The following RHBDL1 variants were observed in gnomAD, a reference collection of about 807,000 sequenced individuals.
The protein encoded by RHBDL1 is rhomboid like 1.
RHBDL1 carries 21 observed loss-of-function variants against 34.0 expected under a neutral mutation model. The ratio of observed to expected loss-of-function variants is 0.62; its 90% CI spans 0.44 to 0.89. RHBDL1 has a LOEUF of 0.89. RHBDL1 is among the 40% of genes least tolerant of loss of function. The probability of loss-of-function intolerance (pLI) is 0.00; values close to 1 mark genes in which losing one functional copy is unlikely to be tolerated. For synonymous variants in RHBDL1, 268 were observed against 234.8 expected (o/e 1.14, Z -1.29); for missense variants, 450 against 530.6 (o/e 0.85, Z 1.49).
intron 4 of RHBDL1, 77 bp from the exon 5 acceptor site, chr16:677,199 C>T: frequency 6.4e-7 from 1 of 1,571,522 alleles, no homozygotes; most frequent in Non-Finnish European, 8.6e-7. Context: ...GCAGGTGCGG[C>T]AACTTGAGGT....
In RHBDL1 at chr16:676,608, TG is replaced by T. The variant is rs945405894; in HGVS notation, c.202-63del. ...GGGCTTGTGGATGCGGGGAGCTGGG[TG>T]AGCCTCACAGGCAGGGGTGCCATGG... is the stretch of plus-strand genomic sequence containing the variant. On this transcript the variant is annotated intron_variant, in intron 2 of 7. Transcript: ENST00000352681. This position sits in a 1 kb window ranked among gnomAD's most constrained non-coding sequence, Gnocchi z 6.9. 3 of 1,588,744 alleles carry T rather than the reference TG, an allele frequency of 1.9e-6. No individual in the cohort carries two copies. In the African/African-American group the frequency reaches 4.0e-5, roughly 21 times the overall value.
chr16:676,937 C>T lies in RHBDL1; in HGVS notation c.427-34C>T, dbSNP rs1266610836. 3 of 1,611,518 alleles carry T rather than the reference C, an allele frequency of 1.9e-6. No individual in the cohort carries two copies. The highest frequency in any genetic ancestry group is 2.2e-5 in the East Asian group (1 of 44,822). On this transcript the variant is annotated intron_variant, in intron 3 of 7. Coordinates refer to ENST00000352681, the MANE Select transcript of RHBDL1 (RefSeq NM_001278720.2). This position sits in a 1 kb window ranked among gnomAD's most constrained non-coding sequence, Gnocchi z 6.9. ...GCTGCCCCGGGAGCCTCCCGCGCTC[C>T]TGGCCATGACCAGCCTAACACTCGT... is the stretch of plus-strand genomic sequence containing the variant.
rs1370504424 is a variant in RHBDL1, at chr16:676,410, C to A, written c.114C>A (p.Pro38=). The A allele has an allele frequency of 8.7e-6, 14 of 1,607,944 alleles. No homozygotes were observed. The highest frequency in any genetic ancestry group is 1.2e-5 in the Non-Finnish European group (14 of 1,178,526). ...GCCTGGTGCACAGCCATGAGCTGCCCCTGGACCCGGCCAAGCTGGACATGC... is the reference window on the plus strand; with the variant it reads ...GCCTGGTGCACAGCCATGAGCTGCCACTGGACCCGGCCAAGCTGGACATGC... ...FTGLVHSHEL[P]LDPAKLDMLV... Residue 38 remains proline (P), a synonymous_variant, in exon 2 of 8, where the codon CCC becomes CCA. Transcript: ENST00000352681. This position sits in a 1 kb window ranked among gnomAD's most constrained non-coding sequence, Gnocchi z 6.9.
chr16:677,255 C>G (rs374372693), intron 4 of RHBDL1, 21 bp from the exon 5 acceptor site: 3 of 1,559,496 alleles, frequency 1.9e-6, no homozygotes, highest in Non-Finnish European at 2.6e-6. Flanking sequence ...CCTTCGTACC[C>G]GTTTGCTTCC....
rs1321604144 is a variant in RHBDL1 at position 678,084 on chromosome 16, C to G, written c.*32C>G. On this transcript the variant is annotated 3_prime_UTR_variant, in exon 8 of 8. Transcript: ENST00000352681. ...ACCTGAGGCTGCACAGGCCAGGGCT[C>G]GGGCATGTGGTGGCCGCCCACCAGG... The G allele has an allele frequency of 7.9e-6, 12 of 1,511,482 alleles. No homozygotes were observed. Among genetic ancestry groups the G allele is most frequent in the Admixed American group, 2.1e-5 (1 of 48,754 alleles). 93.6% of individuals were successfully genotyped at this position (1,511,482 alleles called of 1,614,324 possible).
rs1433601338 is a variant in RHBDL1 at position 677,514 on chromosome 16, C to T, written c.744C>T (p.Gly248=). 1 of 1,609,448 alleles carries T rather than the reference C, an allele frequency of 6.2e-7. No homozygotes were observed. The highest frequency in any genetic ancestry group is 8.5e-7 in the Non-Finnish European group (1 of 1,179,704). Residue 248 remains glycine, a synonymous_variant, in exon 6 of 8, where the codon GGC becomes GGT. Coordinates refer to ENST00000352681, the MANE Select transcript of RHBDL1 (RefSeq NM_001278720.2). ...GGGCCCCGGTGGTGGGAGGCTCCGG[C>T]GGGGTCTACGCCCTGTGCTCGGCAC... ...DMRAPVVGGS[G]GVYALCSAHL...
At position 677,709 on chromosome 16, in the gene RHBDL1, G is replaced by T; in HGVS notation, c.850+10G>T. On this transcript the variant is annotated intron_variant, in intron 7 of 7. Transcript: ENST00000352681. The stretch of plus-strand genomic sequence containing the variant: ...CTGGCCTTGGTGTGCAGTGAGTAGG[G>T]GCCGGGGGGAGGGCCGGGGGGCCTC... The T allele has an allele frequency of 6.5e-7, 1 of 1,530,854 alleles. No homozygotes were observed. The highest frequency in any genetic ancestry group is 8.8e-7 in the Non-Finnish European group (1 of 1,139,388). 94.8% of individuals were successfully genotyped at this position (1,530,854 alleles called of 1,614,324 possible). A position where few individuals can be genotyped will look rare whatever the true frequency, so the allele number is the denominator to read the frequency against.
chr16:677,544 G>A lies in RHBDL1; in HGVS notation c.774G>A (p.Leu258=). The change falls in exon 6 of 8, where the codon CTG becomes CTA. Residue 258 remains leucine, a synonymous_variant. Coordinates refer to ENST00000352681, the MANE Select transcript of RHBDL1 (RefSeq NM_001278720.2). ...GGVYALCSAH[L]ANVVMNWAGM... is the part of the protein sequence containing the mutation. ...TCTACGCCCTGTGCTCGGCACACCT[G>A]GCCAACGTTGTCATGGTAACGGGCC... 2 of 1,610,226 alleles carry A rather than the reference G, an allele frequency of 1.2e-6. No individual in the cohort carries two copies. The highest frequency in any genetic ancestry group is 8.5e-7 in the Non-Finnish European group (1 of 1,179,476).
In RHBDL1 at chr16:677,261, C is replaced by G. The variant is rs1243220607; in HGVS notation, c.576-15C>G. The G allele has an allele frequency of 6.4e-7, 1 of 1,560,470 alleles. No individual in the cohort carries two copies. Among genetic ancestry groups the G allele is most frequent in the South Asian group, 1.2e-5 (1 of 85,494 alleles). On this transcript the variant is annotated splice_polypyrimidine_tract_variant and intron_variant, in intron 4 of 7. Transcript: ENST00000352681. Reference sequence around the variant, plus strand: ...TGACCCCACCCTTCGTACCCGTTTGCTTCCCTGTGGCCAGGCTGGAGCAGC... The same window carrying G: ...TGACCCCACCCTTCGTACCCGTTTGGTTCCCTGTGGCCAGGCTGGAGCAGC...
chr16:677,376 G>A lies in RHBDL1; in HGVS notation c.676G>A (p.Gly226Ser), dbSNP rs745598347. The A allele has an allele frequency of 6.4e-7, 1 of 1,573,462 alleles. No homozygotes were observed. Among genetic ancestry groups the A allele is most frequent in the African/African-American group, 1.4e-5 (1 of 73,822 alleles). The change falls in exon 5 of 8, where the codon GGC becomes AGC. Residue 226 changes from glycine to serine, a missense_variant. Transcript: ENST00000352681. Reference sequence around the variant, plus strand: ...CCGCATCAGCCTGCTCTACCTGGCAGGCGTGCTGGCAGGTGAGGCAGGCGC... The same window carrying A: ...CCGCATCAGCCTGCTCTACCTGGCAAGCGTGCTGGCAGGTGAGGCAGGCGC... Reference protein sequence around the residue: ...LLRISLLYLAGVLAGSLTVSI... With the variant: ...LLRISLLYLASVLAGSLTVSI...
Position 676,356 on chromosome 16 carries a change from A to C in RHBDL1, c.60A>C (p.Thr20=). Residue 20 remains threonine, a synonymous_variant, in exon 2 of 8, where the codon ACA becomes ACC. Transcript: ENST00000352681. This position sits in a 1 kb window ranked among gnomAD's most constrained non-coding sequence, Gnocchi z 6.9. The part of the protein sequence containing the change: ...IQEQQLDPEN[T]GFIGADTFTG... ...TGCAGCAGCTGGACCCCGAGAACAC[A>C]GGCTTCATCGGTGCGGACACCTTCA... is the stretch of plus-strand genomic sequence containing the variant. The C allele has an allele frequency of 1.2e-6, 2 of 1,610,464 alleles. No homozygotes were observed. The highest frequency in any genetic ancestry group is 2.2e-5 in the East Asian group (1 of 44,808).
Position 677,780 on chromosome 16 carries a change from G to A in RHBDL1, c.851-1G>A. The stretch of plus-strand genomic sequence containing the variant: ...CTCCCACCTGCCGCGTCCCTCTGCA[G>A]TGAGCTCCGAGGTGGGCCGGGCCGT... On this transcript the variant is annotated splice_acceptor_variant, in intron 7 of 7. Coordinates refer to ENST00000352681, the MANE Select transcript of RHBDL1 (RefSeq NM_001278720.2). LOFTEE classifies it high-confidence loss of function. The A allele has an allele frequency of 6.5e-7, 1 of 1,541,244 alleles. No homozygotes were observed. The highest frequency in any genetic ancestry group is 8.7e-7 in the Non-Finnish European group (1 of 1,147,328).
At position 677,933 on chromosome 16, in the gene RHBDL1, C is replaced by G; in HGVS notation, c.1003C>G (p.Arg335Gly). The G allele has an allele frequency of 6.2e-7, 1 of 1,603,654 alleles. No homozygotes were observed. The highest frequency in any genetic ancestry group is 8.5e-7 in the Non-Finnish European group (1 of 1,179,320). ...CCTGCGGAGCTACGAGGAGCGCCTG[C>G]GGGACCAGTGCGGCTGGTGGGTGGT... ...TILRSYEERL[R>G]DQCGWWVVLL... The change falls in exon 8 of 8, where the codon CGG (arginine) becomes GGG (glycine). Residue 335 changes from arginine to glycine, a missense_variant. By Grantham distance (125) the Arg-to-Gly change is moderately radical. Coordinates refer to ENST00000352681, the MANE Select transcript of RHBDL1 (RefSeq NM_001278720.2).
Position 676,093 on chromosome 16 carries a change from C to A in RHBDL1, c.40-243C>A, listed in dbSNP as rs1481120622. The A allele has an allele frequency of 2.8e-6, 4 of 1,444,532 alleles. No homozygotes were observed. The Admixed American group carries it at 8.5e-5, about 31-fold the overall frequency. The allele number at this position is 1,444,532 out of a possible 1,614,324, so 89.5% of individuals were successfully genotyped here. On this transcript the variant is annotated intron_variant, in intron 1 of 7. Coordinates refer to ENST00000352681, the MANE Select transcript of RHBDL1 (RefSeq NM_001278720.2). This position sits in a 1 kb window ranked among gnomAD's most constrained non-coding sequence, Gnocchi z 6.9. Reference sequence around the variant, plus strand: ...GGCTGGTCTTGGACCTTGGCCCTCGCTTTCCAGGATGGGTAGGGTGGAAGA... The same window carrying A: ...GGCTGGTCTTGGACCTTGGCCCTCGATTTCCAGGATGGGTAGGGTGGAAGA...
In RHBDL1 at chr16:676,308, G is replaced by C. The variant is rs1201279139; in HGVS notation, c.40-28G>C. 11 of 1,604,426 alleles carry C rather than the reference G, an allele frequency of 6.9e-6. No individual in the cohort carries two copies. Among genetic ancestry groups the C allele is most frequent in the Non-Finnish European group, 9.4e-6 (11 of 1,176,338 alleles). On this transcript the variant is annotated intron_variant, in intron 1 of 7. Coordinates refer to ENST00000352681, the MANE Select transcript of RHBDL1 (RefSeq NM_001278720.2). The surrounding 1 kb of genome is among the most constrained non-coding windows in gnomAD (Gnocchi z 6.9). ...GGTCCAGGGGTCGGGCCCGCACTCA[G>C]GCCTTGGCTGGCGGCTCCTCACTGC...
rs999415727 is a variant in RHBDL1 at position 676,926 on chromosome 16, C to T, written c.426+30C>T. The T allele has an allele frequency of 2.5e-6, 4 of 1,611,348 alleles. No individual in the cohort carries two copies. The highest frequency in any genetic ancestry group is 2.5e-6 in the Non-Finnish European group (3 of 1,179,046). On this transcript the variant is annotated intron_variant, in intron 3 of 7. Transcript: ENST00000352681. The surrounding 1 kb of genome is among the most constrained non-coding windows in gnomAD (Gnocchi z 6.9). ...GCCCCCCGGCCGCTGCCCCGGGAGC[C>T]TCCCGCGCTCCTGGCCATGACCAGC...
Position 676,650 on chromosome 16 carries a change from A to T in RHBDL1, c.202-22A>T, listed in dbSNP as rs764427389. On this transcript the variant is annotated intron_variant, in intron 2 of 7. Coordinates refer to ENST00000352681, the MANE Select transcript of RHBDL1 (RefSeq NM_001278720.2). The surrounding 1 kb of genome is among the most constrained non-coding windows in gnomAD (Gnocchi z 6.9). ...GGTGCCATGGGGAGGTCCGTGGCCC[A>T]CACTCAGGCCCCTGCCCCCAGATCA... The T allele has an allele frequency of 1.2e-5, 19 of 1,607,028 alleles. No individual in the cohort carries two copies. The South Asian group carries it at 2.0e-4, about 17-fold the overall frequency.
chr16:677,612 C>T (rs754765909), intron 6 of RHBDL1, 27 bp from the exon 7 acceptor site: 13 of 1,602,926 alleles, frequency 8.1e-6, no homozygotes, highest in Non-Finnish European at 1.0e-5. Context: ...GTGAGCCTCA[C>T]CACTTCTCGT....
At position 677,458 on chromosome 16, in the gene RHBDL1, G is replaced by A. The variant is rs1243818797; in HGVS notation, c.689-1G>A. The A allele has an allele frequency of 6.2e-7, 1 of 1,605,092 alleles. No homozygotes were observed. Among genetic ancestry groups the A allele is most frequent in the Non-Finnish European group, 8.5e-7 (1 of 1,178,672 alleles). On this transcript the variant is annotated splice_acceptor_variant, in intron 5 of 7. Transcript: ENST00000352681. LOFTEE classifies it high-confidence loss of function. The stretch of plus-strand genomic sequence containing the variant: ...CCCTCACCCGCCGCTTGCTCACACA[G>A]GCTCCCTAACCGTCTCCATCACCGA...
Sources: allele counts gnomAD v4.1 joint callset, GRCh38; gene constraint gnomAD v4.1.1; non-coding constraint Gnocchi (gnomAD v3.1); transcripts MANE v1.5; gene names NCBI Gene and HGNC (gene_info 2026-07-23, HGNC 2026-07-21).